The following NFIB variants were observed in gnomAD, a reference collection of about 807,000 sequenced individuals.
The protein encoded by NFIB is nuclear factor 1 B-type.
Under a neutral mutation model 61.5 loss-of-function variants are expected in NFIB, and 11 were observed. That is an observed-to-expected ratio of 0.18 (90% CI 0.11 to 0.30). The LOEUF (loss-of-function observed/expected upper bound fraction) is 0.30. Ranked by LOEUF, NFIB falls within the 10% of genes least tolerant of loss-of-function variation. The pLI is 1.00. For missense variants in NFIB, 471 were observed against 608.9 expected, an observed-to-expected ratio of 0.77 and a Z score of 2.38; for synonymous variants, 260 against 216.5, an observed-to-expected ratio of 1.20 and a Z score of -1.76.
chr9:14,238,908 C>T (rs550393633), intron 2 of NFIB, among the ~76,000 whole-genome samples: 17 of 152,028 alleles, frequency 1.1e-4, no homozygotes, highest in African/African-American at 3.6e-4. Flanking sequence ...TTTTTTTCTT[C>T]CCTTCTCTGT....
At chr9:14,124,073 A>G (rs2039320024) in intron 7 of NFIB, among the ~76,000 whole-genome samples, 2 of 152,224 alleles carry the variant, frequency 1.3e-5, no homozygotes, top group African/African-American at 2.4e-5. Flanking sequence ...CTTTAAGGAC[A>G]GAAACGATCT....
rs1462856803 is a variant in NFIB, at chr9:14,087,837, C to T, written c.*472G>A. 5 of 224,122 alleles carry T rather than the reference C, an allele frequency of 2.2e-5. No homozygotes were observed. Among genetic ancestry groups the T allele is most frequent in the African/African-American group, 1.1e-4 (5 of 44,796 alleles). 13.9% of individuals were successfully genotyped at this position (224,122 alleles called of 1,614,324 possible). A position where few individuals can be genotyped will look rare whatever the true frequency, so the allele number is the denominator to read the frequency against. ...GAATAGTGATTCCATGCGTAAACAACAAGAATACTAAACCAATAAAACTAG... is the reference window on the plus strand; with the variant it reads ...GAATAGTGATTCCATGCGTAAACAATAAGAATACTAAACCAATAAAACTAG... On this transcript the variant is annotated 3_prime_UTR_variant, in exon 11 of 11. Transcript: ENST00000380953.
chr9:14,131,684 G>A (rs529611497), intron 6 of NFIB, among the ~76,000 whole-genome samples: 134 of 152,322 alleles, frequency 8.8e-4, no homozygotes, highest in Non-Finnish European at 1.6e-3. Flanking sequence ...TAATTAAACT[G>A]TTGTTCACTT....
Position 14,176,076 on chromosome 9 carries a change from C to A in NFIB, c.616+3651G>T, listed in dbSNP as rs73411987. Among the ~76,000 whole-genome samples, 476 of 152,054 alleles carry A rather than the reference C, an allele frequency of 3.1e-3. 2 individuals carry two copies. The highest frequency in any genetic ancestry group is 0.011 in the African/African-American group (449 of 41,486). ...GTCAAAGCTAATTTCCAAAGATTAC[C>A]ATCCAATCAATCACACATTTCCTAA... On this transcript the variant is annotated intron_variant, in intron 3 of 10. Transcript: ENST00000380953.
chr9:14,174,590 A>T (rs2045938484), intron 3 of NFIB, among the ~76,000 whole-genome samples: 1 of 151,952 alleles, frequency 6.6e-6, no homozygotes, highest in Non-Finnish European at 1.5e-5. Flanking sequence ...ACATGGTGAA[A>T]CCCCATCTCT....
At chr9:14,442,619 C>T in the NFIB span, among the ~76,000 whole-genome samples, 226 of 152,184 alleles carry the variant, frequency 1.5e-3, 2 homozygotes, top group Middle Eastern at 6.8e-3. Context: ...TAATCTTTGG[C>T]GGTCCCTGGC....
chr9:14,313,812 T>C lies in NFIB; in HGVS notation c.-301A>G. On this transcript the variant is annotated 5_prime_UTR_variant, in exon 1 of 11. Transcript: ENST00000380953. This position sits in a 1 kb window ranked among gnomAD's most constrained non-coding sequence, Gnocchi z 4.5. ...CGCCGCCGCCGCCGGTGTTGGCTGC[T>C]TTTCGCCTGGGTTTGGGGATTTGTT... 1 of 1,320,214 alleles carries C rather than the reference T, an allele frequency of 7.6e-7. No homozygotes were observed. Among genetic ancestry groups the C allele is most frequent in the Non-Finnish European group, 9.7e-7 (1 of 1,034,290 alleles). The allele number at this position is 1,320,214 out of a possible 1,614,324, so 81.8% of individuals were successfully genotyped here.
the NFIB span, among the ~76,000 whole-genome samples, chr9:14,453,867 G>A: frequency 6.6e-6 from 1 of 151,680 alleles, no homozygotes. Context: ...TGGATCACAG[G>A]GTCAGGAGAT....
intron 6 of NFIB, among the ~76,000 whole-genome samples, chr9:14,142,101 C>A (rs1274088045): frequency 6.6e-6 from 1 of 152,120 alleles, no homozygotes; most frequent in Non-Finnish European, 1.5e-5. Flanking sequence ...TTCAAGCATA[C>A]TATTTATTTG....
chr9:14,123,035 C>T (rs944820769), intron 7 of NFIB, among the ~76,000 whole-genome samples: 2 of 151,942 alleles, frequency 1.3e-5, no homozygotes, highest in African/African-American at 4.8e-5. Context: ...GAGTGGATCA[C>T]TTGAGGTCAG....
At chr9:14,431,479 G>T in the NFIB span, among the ~76,000 whole-genome samples, 8 of 152,200 alleles carry the variant, frequency 5.3e-5, no homozygotes, top group African/African-American at 1.9e-4. Context: ...CCTTAAAATA[G>T]TAAGAAGAAA....
chr9:14,381,191 CTTTTTCT>C (rs1191084098), intron 1 of NFIB, among the ~76,000 whole-genome samples: 3 of 146,722 alleles, frequency 2.0e-5, no homozygotes, highest in South Asian at 2.3e-4. Flanking sequence ...GTGTTTCTTT[CTTTTTCT>C]TTTTTCTTTT....
At chr9:14,289,169 TATA>T (rs1215173409) in intron 2 of NFIB, among the ~76,000 whole-genome samples, 7 of 148,382 alleles carry the variant, frequency 4.7e-5, no homozygotes, top group Admixed American at 1.4e-4. Context: ...ATGCCAAATA[TATA>T]ATATTTACCA....
At chr9:14,459,396 C>G in the NFIB span, among the ~76,000 whole-genome samples, 1 of 152,124 alleles carries the variant, frequency 6.6e-6, no homozygotes, top group African/African-American at 2.4e-5. Context: ...ACATGTTAGA[C>G]CTAAAACCAT....
intron 10 of NFIB, among the ~76,000 whole-genome samples, chr9:14,106,210 G>T (rs1229440794): frequency 6.6e-6 from 1 of 152,048 alleles, no homozygotes; most frequent in African/African-American, 2.4e-5. Context: ...TCATGTGGAG[G>T]TGGGGAACAA....
intron 2 of NFIB, among the ~76,000 whole-genome samples, chr9:14,285,062 T>A (rs1399975558): frequency 6.6e-6 from 1 of 152,224 alleles, no homozygotes; most frequent in Non-Finnish European, 1.5e-5. Flanking sequence ...AGATTTTGTA[T>A]ATCAAAATTA....
chr9:14,130,921 C>A (rs1479557052), intron 6 of NFIB, among the ~76,000 whole-genome samples: 3 of 152,106 alleles, frequency 2.0e-5, no homozygotes, highest in Non-Finnish European at 4.4e-5. Flanking sequence ...CACTGAGATT[C>A]TAGTAAGTGT....
chr9:14,423,781 G>A, the NFIB span, among the ~76,000 whole-genome samples: 1 of 152,170 alleles, frequency 6.6e-6, no homozygotes, highest in African/African-American at 2.4e-5. Flanking sequence ...TGCTTTCCTT[G>A]TTCCTGCCAT....
At chr9:14,243,793 G>T (rs370127869) in intron 2 of NFIB, among the ~76,000 whole-genome samples, 16 of 152,164 alleles carry the variant, frequency 1.1e-4, no homozygotes, top group African/African-American at 3.4e-4. Flanking sequence ...ACCCTAAGCT[G>T]CATGACATCA....
Sources: allele counts gnomAD v4.1 joint callset (sites outside exome capture counted in the v4.1 genomes callset), GRCh38; gene constraint gnomAD v4.1.1; non-coding constraint Gnocchi (gnomAD v3.1); transcripts MANE v1.5; gene names NCBI Gene and HGNC (gene_info 2026-07-23, HGNC 2026-07-21).